The following NICOL1 variants were observed in gnomAD, a reference collection of about 807,000 sequenced individuals.
NICOL1 encodes the protein NELL2 interacting cell ontogeny regulator 1.
the NICOL1 span, among the ~76,000 whole-genome samples, chr4:2,040,155 G>A: frequency 6.6e-6 from 1 of 152,102 alleles, no homozygotes; most frequent in Non-Finnish European, 1.5e-5. Context: ...GGCCCAGGCT[G>A]GAGTGCAGTG....
chr4:2,038,435 G>T, the NICOL1 span, among the ~76,000 whole-genome samples: 1 of 151,478 alleles, frequency 6.6e-6, no homozygotes, highest in Non-Finnish European at 1.5e-5. Flanking sequence ...TTACAGGCAT[G>T]CACCACCACA....
chr4:2,040,903 T>C, the NICOL1 span, among the ~76,000 whole-genome samples: 1 of 140,732 alleles, frequency 7.1e-6, no homozygotes, highest in African/African-American at 2.6e-5. Context: ...GGGGCGGCTC[T>C]GACCACGCGA....
At chr4:2,043,878 G>A in the NICOL1 span, 1 of 1,549,750 alleles carries the variant, frequency 6.5e-7, no homozygotes, top group Non-Finnish European at 8.7e-7. Context: ...CCCTACTGCT[G>A]CAGGCAGAGC....
At chr4:2,043,842 C>T in the NICOL1 span, 1 of 1,547,790 alleles carries the variant, frequency 6.5e-7, no homozygotes, top group Non-Finnish European at 8.7e-7. Context: ...GCACCCTCAC[C>T]CCTCTTGTTG....
the NICOL1 span, chr4:2,041,800 C>T: frequency 5.8e-6 from 3 of 521,732 alleles, no homozygotes; most frequent in Admixed American, 4.4e-5. Context: ...CCCGGCGCCG[C>T]CTCCTCCAGG....
At chr4:2,041,481 G>T in the NICOL1 span, among the ~76,000 whole-genome samples, 34 of 152,170 alleles carry the variant, frequency 2.2e-4, no homozygotes, top group African/African-American at 8.2e-4. Flanking sequence ...GTGGGTAGCC[G>T]GGAGGGACCG....
chr4:2,042,680 G>T, the NICOL1 span: 2,663 of 1,042,872 alleles, frequency 2.6e-3, 4 homozygotes, highest in Non-Finnish European at 3.3e-3. Context: ...AGTGCGTGGG[G>T]GCCTTGCGGG....
At chr4:2,037,527 A>G in the NICOL1 span, among the ~76,000 whole-genome samples, 1 of 152,274 alleles carries the variant, frequency 6.6e-6, no homozygotes, top group Admixed American at 6.5e-5. Context: ...AGATTAGAAT[A>G]TAAGAAAGGG....
the NICOL1 span, chr4:2,042,830 C>G: frequency 1.2e-5 from 18 of 1,477,238 alleles, 1 homozygote; most frequent in South Asian, 2.2e-4. Context: ...CGCGGGTGAG[C>G]GCCCGCGGCG....
At chr4:2,043,834 A>C in the NICOL1 span, 1 of 1,544,052 alleles carries the variant, frequency 6.5e-7, no homozygotes, top group Non-Finnish European at 8.8e-7. Flanking sequence ...GCTGGGCTGC[A>C]CCCTCACCCC....
chr4:2,041,934 T>C, the NICOL1 span: 1 of 1,438,188 alleles, frequency 7.0e-7, no homozygotes, highest in Non-Finnish European at 9.1e-7. Context: ...GCCAGCGCAG[T>C]CTCGGGTTTC....
chr4:2,042,261 A>C, the NICOL1 span: 2 of 349,930 alleles, frequency 5.7e-6, no homozygotes, highest in Non-Finnish European at 4.1e-6. Flanking sequence ...GGCCCGCGGG[A>C]GGGGACGGGG....
At chr4:2,041,995 ATGCGCGT>A in the NICOL1 span, 1 of 1,469,798 alleles carries the variant, frequency 6.8e-7, no homozygotes. Flanking sequence ...GTCGGAGCGC[ATGCGCGT>A]TGCGCGCCGG....
the NICOL1 span, among the ~76,000 whole-genome samples, chr4:2,037,708 T>C: frequency 9.9e-5 from 15 of 152,274 alleles, no homozygotes; most frequent in South Asian, 2.1e-4. Flanking sequence ...TTTCATGTAA[T>C]TTGAAATCTT....
At chr4:2,042,331 G>T in the NICOL1 span, 3 of 576,096 alleles carry the variant, frequency 5.2e-6, no homozygotes, top group Non-Finnish European at 8.3e-6. Context: ...CTTCAGGGCG[G>T]CCCCGCTCCC....
the NICOL1 span, among the ~76,000 whole-genome samples, chr4:2,043,344 G>A: frequency 6.6e-6 from 1 of 152,178 alleles, no homozygotes; most frequent in East Asian, 1.9e-4. Context: ...CAGCCAAGGA[G>A]TTTTTGTTTG....
chr4:2,043,942 G>T, the NICOL1 span: 3 of 1,537,594 alleles, frequency 2.0e-6, no homozygotes, highest in Admixed American at 6.1e-5. Flanking sequence ...ACGCTGCTCC[G>T]TGTGAATAAA....
chr4:2,038,780 T>C, the NICOL1 span, among the ~76,000 whole-genome samples: 1 of 152,238 alleles, frequency 6.6e-6, no homozygotes, highest in Non-Finnish European at 1.5e-5. Flanking sequence ...TTATTTCTTC[T>C]GTACTTCTGT....
the NICOL1 span, chr4:2,042,272 G>C: frequency 9.0e-6 from 9 of 997,612 alleles, no homozygotes; most frequent in South Asian, 2.1e-4. Context: ...GGGGACGGGG[G>C]CTCACCGGCC....
Sources: allele counts gnomAD v4.1 joint callset (sites outside exome capture counted in the v4.1 genomes callset), GRCh38; gene constraint gnomAD v4.1.1; transcripts MANE v1.5; gene names NCBI Gene and HGNC (gene_info 2026-07-23, HGNC 2026-07-21).